The following CROCC variants were observed in gnomAD, a reference collection of about 807,000 sequenced individuals.
CROCC encodes rootletin.
A neutral mutation model predicts 245.2 loss-of-function variants in CROCC; 180 were observed. That is an observed-to-expected ratio of 0.73 (90% CI 0.65 to 0.83). The LOEUF is 0.83. Among genes scored for constraint, CROCC ranks in the 40% least tolerant of loss-of-function variants. The pLI, the probability that CROCC is intolerant of heterozygous loss-of-function variation, is 0.00. For missense variants in CROCC, 2,688 were observed against 2,779.4 expected (o/e 0.97, Z 0.74); for synonymous variants, 1,205 against 1,241.6 (o/e 0.97, Z 0.62).
chr1:16,970,278 A>G lies in CROCC; in HGVS notation c.5477A>G (p.Glu1826Gly). 1.9e-6 allele frequency: 3 copies of G among 1,563,674 alleles called. No individual in the cohort carries two copies. Among genetic ancestry groups the G allele is most frequent in the South Asian group, 1.2e-5 (1 of 85,940 alleles). Residue 1826 changes from glutamate (E) to glycine (G), a missense_variant, in exon 34 of 37, where the codon GAG becomes GGG. Physicochemically the swap from Glu to Gly is moderately conservative, Grantham distance 98 (BLOSUM62 -2). This residue lies in a region of CROCC where 1,218 missense variants were observed against 1,286.3 expected (regional missense o/e 0.95). Coordinates refer to ENST00000375541, the MANE Select transcript of CROCC (RefSeq NM_014675.5). ...REVLRQRQEGEAAALNTVQKL... is the reference protein window; with the variant it reads ...REVLRQRQEGGAAALNTVQKL... ...GTGCTGCGGCAGCGGCAGGAGGGTG[A>G]GGCTGCAGCCCTGAACACCGTCCAG...
chr1:16,958,742 C>T lies in CROCC; in HGVS notation c.4024C>T (p.Arg1342Trp), dbSNP rs150883754. ...LKGEASLEVM[R>W]QELQVAQRKL... ...GGGCGAGGCCAGCCTGGAGGTGATG[C>T]GGCAGGAGGTAACTGAGCAGGCGGG... Residue 1342 changes from arginine (R) to tryptophan (W), a missense_variant, in exon 26 of 37, where the codon CGG (arginine) becomes TGG (tryptophan). By Grantham distance (101) the Arg-to-Trp change is moderately radical. Coordinates refer to ENST00000375541, the MANE Select transcript of CROCC (RefSeq NM_014675.5). 20 of 1,558,902 alleles carry T rather than the reference C, an allele frequency of 1.3e-5. No individual in the cohort carries two copies. The Admixed American group carries it at 2.5e-4, about 20-fold the overall frequency.
In CROCC at chr1:16,922,376, C is replaced by T. The variant is rs369395193; in HGVS notation, c.61-287C>T. On this transcript the variant is annotated intron_variant, in intron 1 of 36. Coordinates refer to ENST00000375541, the MANE Select transcript of CROCC (RefSeq NM_014675.5). ...AGCCAGATCCTCATCCATCTAGGGTCGGAACCGGATTGGGGCCCCCAACAC... is the reference window on the plus strand; with the variant it reads ...AGCCAGATCCTCATCCATCTAGGGTTGGAACCGGATTGGGGCCCCCAACAC... Among the ~76,000 whole-genome samples, 5 of 152,384 alleles carry T rather than the reference C, an allele frequency of 3.3e-5. No homozygotes were observed. In the South Asian group the frequency reaches 6.2e-4, roughly 19 times the overall value.
At chr1:16,956,215 T>A in intron 25 of CROCC, 59 bp downstream of exon 25, 4 of 1,441,324 alleles carry the variant, frequency 2.8e-6, no homozygotes, top group Non-Finnish European at 3.7e-6. Flanking sequence ...GGCCAATAGC[T>A]CCCCCTTTCT....
At chr1:16,939,707 G>T (rs559312317) in intron 12 of CROCC, among the ~76,000 whole-genome samples, 187 bp from the exon 13 acceptor site, 127 of 152,268 alleles carry the variant, frequency 8.3e-4, no homozygotes, top group African/African-American at 3.0e-3. Context: ...TCAGAGGGTG[G>T]CGAGGGCACA....
Position 16,971,507 on chromosome 1 carries a change from C to A in CROCC, c.5827C>A (p.Leu1943Met). The A allele has an allele frequency of 6.5e-7, 1 of 1,537,142 alleles. No homozygotes were observed. Among genetic ancestry groups the A allele is most frequent in the Non-Finnish European group, 8.7e-7 (1 of 1,146,460 alleles). The part of the protein sequence containing the change: ...VLEQSHSPAQ[L>M]EVDAQQQQLE... ...GGAGCAGAGCCACAGCCCGGCCCAG[C>A]TGGAGGTGGATGCGCAGCAGCAGCA... The change falls in exon 36 of 37, where the codon CTG (leucine) becomes ATG (methionine). Residue 1943 changes from leucine to methionine, a missense_variant. This residue lies in a region of CROCC where 1,218 missense variants were observed against 1,286.3 expected (regional missense o/e 0.95). Transcript: ENST00000375541.
rs191763486 is a variant in CROCC, at chr1:16,948,780, G to C, written c.2709-19G>C. 359 of 1,609,664 alleles carry C rather than the reference G, an allele frequency of 2.2e-4. No homozygotes were observed. The African/African-American group carries it at 3.0e-3, about 14-fold the overall frequency. ...AGGGAGGCTGAGTCCCAGGGCCTCA[G>C]GGACTGTATGTGCTGCAGCTTGGAG... On this transcript the variant is annotated intron_variant, in intron 18 of 36. Transcript: ENST00000375541.
intron 27 of CROCC, among the ~76,000 whole-genome samples, chr1:16,962,385 A>T (rs1243943337): frequency 6.6e-6 from 1 of 151,150 alleles, no homozygotes; most frequent in Non-Finnish European, 1.5e-5. Flanking sequence ...TACAAAAAAA[A>T]TTAGCTGGGC....
chr1:16,922,616 A>G, intron 1 of CROCC, 47 bp from the exon 2 acceptor site: 6 of 1,547,688 alleles, frequency 3.9e-6, no homozygotes, highest in East Asian at 2.3e-5. Context: ...GAGGCCAGGG[A>G]GCCCCGGGTC....
intron 1 of CROCC, 121 bp downstream of exon 1, chr1:16,922,199 T>A: frequency 9.4e-7 from 1 of 1,058,812 alleles, no homozygotes; most frequent in Non-Finnish European, 1.3e-6. Flanking sequence ...GGTGGTGGGG[T>A]ATACAGGGGC....
chr1:16,948,694 A>T lies in CROCC; in HGVS notation c.2709-105A>T, dbSNP rs1323429883. On this transcript the variant is annotated intron_variant, in intron 18 of 36. Transcript: ENST00000375541. ...CCAGGGAGTGTGGGCCTGGCCAGGC[A>T]GGTAGATTGGCACTTGGCCCATGCC... The T allele has an allele frequency of 3.2e-6, 5 of 1,552,014 alleles. No homozygotes were observed. The African/African-American group carries it at 6.8e-5, about 21-fold the overall frequency.
Position 16,922,730 on chromosome 1 carries a change from A to G in CROCC, c.128A>G (p.Gln43Arg). 6.2e-7 allele frequency: 1 copy of G among 1,613,918 alleles called. No individual in the cohort carries two copies. The highest frequency in any genetic ancestry group is 2.2e-5 in the East Asian group (1 of 44,892). Residue 43 changes from glutamine (Q) to arginine (R), a missense_variant, in exon 2 of 37, where the codon CAG (glutamine) becomes CGG (arginine). By Grantham distance (43) the Gln-to-Arg change is conservative. Transcript: ENST00000375541. ...LGARDLAQDA[Q>R]ITSLPALIRE... is the part of the protein sequence containing the mutation. The stretch of plus-strand genomic sequence containing the variant: ...GCGCGGGACCTGGCCCAGGACGCTC[A>G]GATCACCAGCCTGCCTGCCCTTATC...
At chr1:16,916,108 G>A (rs1323939996) in intron 1 of CROCC, among the ~76,000 whole-genome samples, 2 of 152,190 alleles carry the variant, frequency 1.3e-5, no homozygotes. Flanking sequence ...CCCAGGAGGT[G>A]GAGGTTGCAG....
At chr1:16,918,108 T>C (rs2075328649), upstream of CROCC, among the ~76,000 whole-genome samples, 1 of 141,412 alleles carries the variant, frequency 7.1e-6, no homozygotes, top group African/African-American at 2.6e-5. Context: ...GCACGGAGTA[T>C]TTTATTTAAT....
At chr1:16,939,773 C>T (rs1338916654) in intron 12 of CROCC, 121 bp from the exon 13 acceptor site, 42 of 1,218,688 alleles carry the variant, frequency 3.4e-5, no homozygotes, top group Non-Finnish European at 4.8e-5. Flanking sequence ...TGCCCCAGGC[C>T]AGGTCCAGGC....
chr1:16,940,179 T>G, intron 13 of CROCC, 86 bp downstream of exon 13: 1 of 1,367,310 alleles, frequency 7.3e-7, no homozygotes, highest in Non-Finnish European at 1.0e-6. Context: ...CGTATGGCTC[T>G]GCACTAATAT....
chr1:16,939,215 C>CGTGGGA, intron 12 of CROCC, 73 bp downstream of exon 12: 1 of 491,140 alleles, frequency 2.0e-6, no homozygotes, highest in Non-Finnish European at 3.2e-6. Flanking sequence ...CGGGTGGGGG[C>CGTGGGA]GGGGGCGGGG....
In CROCC at chr1:16,949,877, C is replaced by T. The variant is rs1317833575; in HGVS notation, c.2836+951C>T. Among the ~76,000 whole-genome samples, 3 of 152,010 alleles carry T rather than the reference C, an allele frequency of 2.0e-5. No individual in the cohort carries two copies. The South Asian group carries it at 6.2e-4, about 32-fold the overall frequency. On this transcript the variant is annotated intron_variant, in intron 19 of 36. Coordinates refer to ENST00000375541, the MANE Select transcript of CROCC (RefSeq NM_014675.5). ...CTCTGCCTTCTGGGTTCAAGCGATT[C>T]TCCTGCCTCAGCCTCCCAAGTAGCT... is the stretch of plus-strand genomic sequence containing the variant.
At position 16,972,351 on chromosome 1, in the gene CROCC, C is replaced by T; in HGVS notation, c.5968-9C>T. ...ACCTGGCTGGCCTTACCTTCCCTTTCTTCCCCAGGTGTCCACACTGAAGGG... is the reference window on the plus strand; with the variant it reads ...ACCTGGCTGGCCTTACCTTCCCTTTTTTCCCCAGGTGTCCACACTGAAGGG... On this transcript the variant is annotated splice_polypyrimidine_tract_variant and intron_variant, in intron 36 of 36. Transcript: ENST00000375541. The T allele has an allele frequency of 6.2e-7, 1 of 1,613,408 alleles. No individual in the cohort carries two copies. The highest frequency in any genetic ancestry group is 8.5e-7 in the Non-Finnish European group (1 of 1,179,432).
At position 16,948,502 on chromosome 1, in the gene CROCC, T is replaced by C; in HGVS notation, c.2686T>C (p.Ser896Pro). The change falls in exon 18 of 37, where the codon TCA (serine) becomes CCA (proline). Residue 896 changes from serine (S) to proline (P), a missense_variant. Physicochemically the swap from Ser to Pro is moderately conservative, Grantham distance 74 (BLOSUM62 -1). Coordinates refer to ENST00000375541, the MANE Select transcript of CROCC (RefSeq NM_014675.5). ...VAAEREGRTL[S>P]EEATRLRLEK... The stretch of plus-strand genomic sequence containing the variant: ...TGCGGAGCGTGAAGGCAGGACCCTG[T>C]CAGAGGAGGCCACACGCCTGCGGTA... The C allele has an allele frequency of 6.5e-7, 1 of 1,548,024 alleles. No individual in the cohort carries two copies. The highest frequency in any genetic ancestry group is 8.7e-7 in the Non-Finnish European group (1 of 1,147,736).
Sources: gnomAD v4.1 joint callset for allele counts (sites outside exome capture counted in the v4.1 genomes callset) on GRCh38, gnomAD v4.1.1 for gene constraint, gnomAD v4.1.1 regional missense constraint, MANE v1.5 for transcripts, NCBI Gene and HGNC (gene_info 2026-07-23, HGNC 2026-07-21) for gene names.